Variants in PAPPA2 observed in about 807,000 individuals in gnomAD.
PAPPA2 encodes pappalysin 2.
PAPPA2 carries 86 observed loss-of-function variants against 176.4 expected under a neutral mutation model. The ratio of observed to expected loss-of-function variants is 0.49; its 90% CI spans 0.41 to 0.58. The LOEUF is 0.58. Among genes scored for constraint, PAPPA2 ranks in the 20% least tolerant of loss-of-function variants. The pLI is 0.00. For missense variants in PAPPA2, 2,073 were observed against 2,256.9 expected (o/e 0.92, Z 1.65); for synonymous variants, 809 against 852.2 (o/e 0.95, Z 0.88).
At chr1:176,604,306 A>G (rs766338905) in intron 3 of PAPPA2, among the ~76,000 whole-genome samples, 11 of 152,076 alleles carry the variant, frequency 7.2e-5, no homozygotes, top group Non-Finnish European at 1.5e-4. Flanking sequence ...CTTAATATTC[A>G]TTTTCTCCAC....
intron 2 of PAPPA2, among the ~76,000 whole-genome samples, chr1:176,576,038 G>C (rs534602643): frequency 1.7e-4 from 26 of 152,068 alleles, no homozygotes; most frequent in Admixed American, 1.0e-3. Context: ...TATAAATAAT[G>C]CTGTCATGAA....
chr1:176,722,254 A>G (rs547724538), intron 12 of PAPPA2, among the ~76,000 whole-genome samples: 88 of 151,980 alleles, frequency 5.8e-4, no homozygotes, highest in Non-Finnish European at 1.1e-3. Context: ...TATTATACTG[A>G]TAATGTTTTA....
At chr1:176,499,716 C>A (rs1020098088) in intron 1 of PAPPA2, among the ~76,000 whole-genome samples, 4 of 152,292 alleles carry the variant, frequency 2.6e-5, no homozygotes, top group African/African-American at 9.6e-5. Flanking sequence ...CAGAAAAAAA[C>A]CATTGCAAGG....
At chr1:176,563,466 G>A (rs1181275211) in intron 2 of PAPPA2, among the ~76,000 whole-genome samples, 2 of 152,118 alleles carry the variant, frequency 1.3e-5, no homozygotes, top group African/African-American at 2.4e-5. Flanking sequence ...TAAAGCTGAA[G>A]CTTGTTTTTG....
intron 21 of PAPPA2, among the ~76,000 whole-genome samples, chr1:176,831,697 G>A (rs116679028): frequency 0.019 from 2,886 of 152,240 alleles, 102 homozygotes; most frequent in African/African-American, 0.066. Flanking sequence ...TATTTGAAAA[G>A]GGCCGTGAGG....
At chr1:176,606,701 G>A (rs1654633043) in intron 3 of PAPPA2, among the ~76,000 whole-genome samples, 1 of 152,156 alleles carries the variant, frequency 6.6e-6, no homozygotes, top group Non-Finnish European at 1.5e-5. Flanking sequence ...CTGACCTTGT[G>A]ATCTGCCTGC....
chr1:176,667,548 A>G lies in PAPPA2; in HGVS notation c.1992-3422A>G, dbSNP rs936646695. On this transcript the variant is annotated intron_variant, in intron 3 of 22. Coordinates refer to ENST00000367662, the MANE Select transcript of PAPPA2 (RefSeq NM_020318.3). ...CTAGTTGGTGCTTCCGGGGGCCCAC[A>G]AGTCCCAAGGTGTGGGCCCAGTGAA... Among the ~76,000 whole-genome samples the G allele has an allele frequency of 2.6e-5, 4 of 152,212 alleles. 1 individual carries two copies. The highest frequency in any genetic ancestry group is 1.3e-4 in the Admixed American group (2 of 15,288).
At chr1:176,757,949 T>G (rs911783333) in intron 14 of PAPPA2, among the ~76,000 whole-genome samples, 2 of 152,178 alleles carry the variant, frequency 1.3e-5, no homozygotes, top group African/African-American at 2.4e-5. Context: ...AGTCTAGTTC[T>G]GAACTTACAA....
chr1:176,772,883 A>G (rs1456783891), intron 17 of PAPPA2, among the ~76,000 whole-genome samples: 5 of 151,876 alleles, frequency 3.3e-5, no homozygotes, highest in African/African-American at 1.2e-4. Flanking sequence ...TCTTTTTTTT[A>G]CACACCAGCA....
intron 3 of PAPPA2, among the ~76,000 whole-genome samples, chr1:176,654,756 G>A (rs906698994): frequency 3.3e-5 from 5 of 151,640 alleles, no homozygotes; most frequent in African/African-American, 9.7e-5. Context: ...TTATACATCA[G>A]TATTTCATAG....
At chr1:176,751,057 A>G (rs898664320) in intron 14 of PAPPA2, among the ~76,000 whole-genome samples, 2 of 151,822 alleles carry the variant, frequency 1.3e-5, no homozygotes, top group African/African-American at 4.8e-5. Context: ...CTTTCTACAT[A>G]TGGCTAGCCA....
intron 1 of PAPPA2, among the ~76,000 whole-genome samples, chr1:176,516,219 A>G (rs1648901664): frequency 6.6e-6 from 1 of 151,970 alleles, no homozygotes; most frequent in Non-Finnish European, 1.5e-5. Flanking sequence ...TCTCACCACA[A>G]ATGCTGCTAA....
chr1:176,504,552 C>A (rs1447265097), intron 1 of PAPPA2, among the ~76,000 whole-genome samples: 3 of 152,086 alleles, frequency 2.0e-5, no homozygotes, highest in Non-Finnish European at 4.4e-5. Context: ...AGACTGTGTT[C>A]AGGATGGAGT....
intron 17 of PAPPA2, among the ~76,000 whole-genome samples, chr1:176,775,691 G>C (rs535289625): frequency 6.6e-6 from 1 of 152,186 alleles, no homozygotes; most frequent in East Asian, 1.9e-4. Flanking sequence ...ATCTCTGGGG[G>C]TGGGGCCCAG....
intron 21 of PAPPA2, among the ~76,000 whole-genome samples, chr1:176,816,205 TACAC>T (rs1199444082): frequency 3.8e-5 from 4 of 105,798 alleles, no homozygotes; most frequent in African/African-American, 1.4e-4. Flanking sequence ...TATGTACACA[TACAC>T]ACACATATAT....
At chr1:176,688,941 A>G (rs1338034420) in intron 4 of PAPPA2, among the ~76,000 whole-genome samples, 1 of 152,194 alleles carries the variant, frequency 6.6e-6, no homozygotes, top group Non-Finnish European at 1.5e-5. Flanking sequence ...AGGCAGAGCT[A>G]TTCTCCTGGA....
chr1:176,771,706 A>G (rs1205713729), intron 17 of PAPPA2, among the ~76,000 whole-genome samples: 4 of 152,232 alleles, frequency 2.6e-5, no homozygotes, highest in African/African-American at 7.2e-5. Flanking sequence ...CATTTTGGCT[A>G]TTAATATTGT....
At chr1:176,783,814 G>C (rs1664817446) in intron 17 of PAPPA2, among the ~76,000 whole-genome samples, 1 of 152,160 alleles carries the variant, frequency 6.6e-6, no homozygotes, top group Admixed American at 6.5e-5. Flanking sequence ...AGCATGAGAA[G>C]GTAGCATGAA....
In PAPPA2 at chr1:176,646,034, A is replaced by G. The variant is rs185846234; in HGVS notation, c.1992-24936A>G. On this transcript the variant is annotated intron_variant, in intron 3 of 22. Coordinates refer to ENST00000367662, the MANE Select transcript of PAPPA2 (RefSeq NM_020318.3). ...GTTTGCAAATATTTTCTTTCATTCT[A>G]TGGGTTGTCTTTTCACTAGTTGATT... Among the ~76,000 whole-genome samples, 573 of 151,552 alleles carry G rather than the reference A, an allele frequency of 3.8e-3. 3 individuals carry two copies. Among genetic ancestry groups the G allele is most frequent in the African/African-American group, 0.013 (530 of 41,400 alleles).
Sources: gnomAD v4.1 joint callset for allele counts (sites outside exome capture counted in the v4.1 genomes callset) on GRCh38, gnomAD v4.1.1 for gene constraint, MANE v1.5 for transcripts, NCBI Gene and HGNC (gene_info 2026-07-23, HGNC 2026-07-21) for gene names.